The following HPD variants were observed in gnomAD, a reference collection of about 807,000 sequenced individuals.
HPD encodes 4-hydroxyphenylpyruvate dioxygenase.
A neutral mutation model predicts 56.9 loss-of-function variants in HPD; 35 were observed. That is an observed-to-expected ratio of 0.62 (90% CI 0.47 to 0.82). The LOEUF (loss-of-function observed/expected upper bound fraction) is 0.82, where lower values mean the gene tolerates loss of function less well. Ranked by LOEUF, HPD falls within the 40% of genes least tolerant of loss-of-function variation. HPD has a pLI of 0.00. For missense variants in HPD, 442 were observed against 506.8 expected (o/e 0.87, Z 1.23); for synonymous variants, 186 against 200.2 (o/e 0.93, Z 0.60).
At chr12:121,846,022 C>A (rs1055719744) in intron 11 of HPD, among the ~76,000 whole-genome samples, 3 of 152,104 alleles carry the variant, frequency 2.0e-5, no homozygotes, top group Admixed American at 1.3e-4. Flanking sequence ...GCTTCAGCCT[C>A]CCAAGTAGCT....
At chr12:121,881,410 G>A in the HPD span, among the ~76,000 whole-genome samples, 2 of 152,094 alleles carry the variant, frequency 1.3e-5, no homozygotes, top group African/African-American at 4.8e-5. Flanking sequence ...ACAAGTGGGG[G>A]TATCTCTTCC....
chr12:121,875,929 T>C, the HPD span, among the ~76,000 whole-genome samples: 4 of 152,090 alleles, frequency 2.6e-5, no homozygotes, highest in African/African-American at 4.8e-5. Flanking sequence ...AAGACCAGCC[T>C]GGGCAACAAA....
At chr12:121,867,662 C>T (rs1878360850), upstream of HPD, among the ~76,000 whole-genome samples, 1 of 152,092 alleles carries the variant, frequency 6.6e-6, no homozygotes. Context: ...TACAGGTGCA[C>T]ATCACCATGC....
Position 121,839,534 on chromosome 12 carries a change from G to A in HPD, c.*194C>T, listed in dbSNP as rs1047900850. 8.0e-6 allele frequency: 5 copies of A among 622,534 alleles called. No homozygotes were observed. Among genetic ancestry groups the A allele is most frequent in the Non-Finnish European group, 1.1e-5 (4 of 349,076 alleles). The allele number at this position is 622,534 out of a possible 1,614,324, so 38.6% of individuals were successfully genotyped here. Reference sequence around the variant, plus strand: ...ACAAACACAGACACAGTATTGGACCGGGGCACGCTTTAATCGGGAGGGCTG... The same window carrying A: ...ACAAACACAGACACAGTATTGGACCAGGGCACGCTTTAATCGGGAGGGCTG... On this transcript the variant is annotated 3_prime_UTR_variant, in exon 14 of 14. Transcript: ENST00000289004.
chr12:121,886,775 A>G, the HPD span, among the ~76,000 whole-genome samples: 1 of 152,192 alleles, frequency 6.6e-6, no homozygotes, highest in Non-Finnish European at 1.5e-5. Flanking sequence ...TATAAAGTTC[A>G]TATTTAGATT....
At chr12:121,882,023 C>T in the HPD span, among the ~76,000 whole-genome samples, 94 of 151,640 alleles carry the variant, frequency 6.2e-4, no homozygotes, top group African/African-American at 2.1e-3. Context: ...CTCAGGTGAT[C>T]CTCCCGCCTA....
the HPD span, among the ~76,000 whole-genome samples, chr12:121,887,898 C>T: frequency 2.0e-5 from 3 of 152,098 alleles, no homozygotes; most frequent in Admixed American, 6.6e-5. Flanking sequence ...CACAGATGAC[C>T]GCTGAGCCCT....
chr12:121,847,275 C>T, intron 9 of HPD, 61 bp from the exon 10 acceptor site: 2 of 1,489,662 alleles, frequency 1.3e-6, no homozygotes, highest in Non-Finnish European at 1.9e-6. Flanking sequence ...CCTCCATCAC[C>T]CATTTCCACC....
chr12:121,840,262 A>T (rs1264421634), intron 12 of HPD, among the ~76,000 whole-genome samples: 1 of 152,130 alleles, frequency 6.6e-6, no homozygotes, highest in Non-Finnish European at 1.5e-5. Context: ...CTAATCTTGT[A>T]TCCTTACAAT....
chr12:121,842,759 T>G (rs1198466491), intron 12 of HPD, among the ~76,000 whole-genome samples: 2 of 143,994 alleles, frequency 1.4e-5, no homozygotes, highest in African/African-American at 2.6e-5. Flanking sequence ...TTTTTTTTTT[T>G]TTTTTTGAGA....
At chr12:121,883,180 T>TTGTGTGTGTGTGTG in the HPD span, among the ~76,000 whole-genome samples, 2 of 115,374 alleles carry the variant, frequency 1.7e-5, no homozygotes, top group East Asian at 2.6e-4. Context: ...GGAGCATAAG[T>TTGTGTGTGTGTGTG]TGTGTGTGTG....
chr12:121,877,459 C>G, the HPD span, among the ~76,000 whole-genome samples: 1 of 151,374 alleles, frequency 6.6e-6, no homozygotes, highest in African/African-American at 2.4e-5. Context: ...AGGTTGGGCG[C>G]GGTGGTTCAC....
chr12:121,843,335 A>G (rs1877468448), intron 12 of HPD, among the ~76,000 whole-genome samples: 1 of 152,194 alleles, frequency 6.6e-6, no homozygotes, highest in Admixed American at 6.5e-5. Flanking sequence ...CGCTCAGGGC[A>G]TGCTCCTACC....
At chr12:121,856,219 T>C (rs1592923018) in intron 6 of HPD, 105 bp downstream of exon 6, 1 of 863,462 alleles carries the variant, frequency 1.2e-6, no homozygotes, top group East Asian at 2.4e-5. Context: ...ATGTGGCATC[T>C]GGGCTTGTCA....
At chr12:121,841,768 C>CT in intron 12 of HPD, among the ~76,000 whole-genome samples, 1 of 151,862 alleles carries the variant, frequency 6.6e-6, no homozygotes, top group African/African-American at 2.4e-5. Context: ...ACTGCAACCT[C>CT]CCCTTCCCTG....
chr12:121,851,688 T>TTA (rs1456185434), intron 7 of HPD, among the ~76,000 whole-genome samples: 17 of 5,618 alleles, frequency 3.0e-3, no homozygotes, highest in African/African-American at 0.027. Context: ...TATTCATTTA[T>TTA]TTATTTATTT....
the HPD span, among the ~76,000 whole-genome samples, chr12:121,881,954 G>A: frequency 2.0e-5 from 3 of 150,090 alleles, no homozygotes; most frequent in East Asian, 2.0e-4. Flanking sequence ...CCTAATTTTC[G>A]TATTTTCATT....
At chr12:121,873,407 T>C in the HPD span, among the ~76,000 whole-genome samples, 7 of 152,318 alleles carry the variant, frequency 4.6e-5, no homozygotes, top group African/African-American at 1.4e-4. Context: ...CTCTGACCAG[T>C]GAGTCTGTCT....
intron 7 of HPD, among the ~76,000 whole-genome samples, chr12:121,853,237 C>T (rs1313058323): frequency 6.6e-6 from 1 of 151,992 alleles, no homozygotes. Context: ...GGGCTTAATA[C>T]CTAGGTGATG....
Sources: allele counts gnomAD v4.1 joint callset (sites outside exome capture counted in the v4.1 genomes callset), GRCh38; gene constraint gnomAD v4.1.1; transcripts MANE v1.5; gene names NCBI Gene and HGNC (gene_info 2026-07-23, HGNC 2026-07-21).